Variants in RSPO2 observed in about 807,000 individuals in gnomAD.
The protein encoded by RSPO2 is R-spondin-2.
RSPO2 carries 14 observed loss-of-function variants against 30.9 expected under a neutral mutation model. The ratio of observed to expected loss-of-function variants is 0.45; its 90% CI spans 0.30 to 0.71. The LOEUF (loss-of-function observed/expected upper bound fraction) is 0.71, where lower values mean the gene tolerates loss of function less well. Ranked by LOEUF, RSPO2 falls within the 30% of genes least tolerant of loss-of-function variation. The pLI is 0.08. For synonymous variants in RSPO2, 107 were observed against 96.4 expected, an observed-to-expected ratio of 1.11 and a Z score of -0.64; for missense variants, 264 against 301.9, an observed-to-expected ratio of 0.87 and a Z score of 0.93.
At chr8:107,970,762 G>A (rs1813969423) in intron 3 of RSPO2, among the ~76,000 whole-genome samples, 1 of 152,220 alleles carries the variant, frequency 6.6e-6, no homozygotes, top group Non-Finnish European at 1.5e-5. Flanking sequence ...TTTGAACGAA[G>A]TTGCTGGTTG....
At chr8:108,008,859 C>A (rs1201462378) in intron 2 of RSPO2, among the ~76,000 whole-genome samples, 1 of 149,992 alleles carries the variant, frequency 6.7e-6, no homozygotes, top group Non-Finnish European at 1.5e-5. Flanking sequence ...AGTACATAAA[C>A]TAGAAAAGGT....
At chr8:107,998,654 G>A in intron 2 of RSPO2, among the ~76,000 whole-genome samples, 1 of 152,110 alleles carries the variant, frequency 6.6e-6, no homozygotes, top group Middle Eastern at 3.4e-3. Flanking sequence ...TTAATATTTA[G>A]AAGGGCTATA....
Position 107,924,433 on chromosome 8 carries a change from G to A in RSPO2, c.617-23243C>T, listed in dbSNP as rs753267477. Among the ~76,000 whole-genome samples, 9 of 151,952 alleles carry A rather than the reference G, an allele frequency of 5.9e-5. No individual in the cohort carries two copies. In the South Asian group the frequency reaches 6.2e-4, roughly 11 times the overall value. ...TCAGTATTAAACTCTTTGAAAGTCC[G>A]TGTATTGTCTGGAAAATGGATGCAA... On this transcript the variant is annotated intron_variant, in intron 5 of 5. Coordinates refer to ENST00000276659, the MANE Select transcript of RSPO2 (RefSeq NM_178565.5).
At chr8:107,919,871 G>C (rs1416131909) in intron 5 of RSPO2, among the ~76,000 whole-genome samples, 2 of 152,062 alleles carry the variant, frequency 1.3e-5, no homozygotes, top group Admixed American at 6.6e-5. Flanking sequence ...TATAATAAGA[G>C]TTGCAAAATT....
chr8:108,020,416 C>T (rs910706420), intron 2 of RSPO2, among the ~76,000 whole-genome samples: 30 of 152,122 alleles, frequency 2.0e-4, no homozygotes, highest in African/African-American at 5.3e-4. Context: ...CCTATCACTT[C>T]GGCTGTTTAA....
At chr8:108,065,597 A>T (rs1323628581) in intron 2 of RSPO2, among the ~76,000 whole-genome samples, 3 of 152,058 alleles carry the variant, frequency 2.0e-5, no homozygotes, top group Non-Finnish European at 4.4e-5. Flanking sequence ...AAGTTTTTAA[A>T]TGAATAAAGG....
At chr8:107,967,707 T>G (rs1343830481) in intron 3 of RSPO2, among the ~76,000 whole-genome samples, 2 of 152,192 alleles carry the variant, frequency 1.3e-5, no homozygotes, top group African/African-American at 4.8e-5. Context: ...TTAGTTCAGA[T>G]AGTTGGTATA....
chr8:107,920,711 C>T (rs972710807), intron 5 of RSPO2, among the ~76,000 whole-genome samples: 10 of 152,014 alleles, frequency 6.6e-5, no homozygotes, highest in Non-Finnish European at 1.0e-4. Context: ...AAATTAGATA[C>T]GTTCCCATTA....
intron 2 of RSPO2, among the ~76,000 whole-genome samples, chr8:108,001,123 T>TG (rs1815232695): frequency 6.6e-6 from 1 of 151,676 alleles, no homozygotes; most frequent in Non-Finnish European, 1.5e-5. Context: ...ACCCAGGAGG[T>TG]GGAGCTTGCA....
intron 5 of RSPO2, among the ~76,000 whole-genome samples, chr8:107,953,992 T>C (rs1176303607): frequency 1.3e-5 from 2 of 152,220 alleles, no homozygotes; most frequent in Non-Finnish European, 2.9e-5. Flanking sequence ...ATTGCAGCTA[T>C]TCCTGCTAGA....
At chr8:107,936,056 A>G (rs1182472904) in intron 5 of RSPO2, among the ~76,000 whole-genome samples, 1 of 152,040 alleles carries the variant, frequency 6.6e-6, no homozygotes, top group Non-Finnish European at 1.5e-5. Context: ...TATTCTACCT[A>G]TGTATATTTT....
At chr8:107,931,521 G>T (rs1233390731) in intron 5 of RSPO2, among the ~76,000 whole-genome samples, 1 of 152,048 alleles carries the variant, frequency 6.6e-6, no homozygotes, top group Non-Finnish European at 1.5e-5. Context: ...AAGAATTATT[G>T]TACTAAAAAA....
chr8:107,992,356 A>T (rs1253165987), intron 2 of RSPO2, among the ~76,000 whole-genome samples: 1 of 152,174 alleles, frequency 6.6e-6, no homozygotes, highest in Non-Finnish European at 1.5e-5. Context: ...CTTAATGATG[A>T]GAACACATGG....
chr8:108,025,944 A>T (rs1012924567), intron 2 of RSPO2, among the ~76,000 whole-genome samples: 1 of 152,238 alleles, frequency 6.6e-6, no homozygotes, highest in African/African-American at 2.4e-5. Context: ...CATTGAGTAA[A>T]TATACAATGA....
chr8:108,004,714 T>C (rs1414704817), intron 2 of RSPO2, among the ~76,000 whole-genome samples: 1 of 152,226 alleles, frequency 6.6e-6, no homozygotes, highest in Admixed American at 6.5e-5. Context: ...CATGTAGGTT[T>C]ATACATATGT....
intron 2 of RSPO2, among the ~76,000 whole-genome samples, chr8:108,045,794 A>G (rs950913807): frequency 1.3e-5 from 2 of 152,166 alleles, no homozygotes; most frequent in Non-Finnish European, 1.5e-5. Flanking sequence ...GTTGCAGGGG[A>G]AAACATGTGA....
intron 5 of RSPO2, among the ~76,000 whole-genome samples, chr8:107,905,871 G>T (rs1394906986): frequency 5.3e-5 from 8 of 151,244 alleles, no homozygotes; most frequent in Non-Finnish European, 7.4e-5. Flanking sequence ...AACACCAACT[G>T]GTTTCTAAAA....
chr8:108,067,407 T>G (rs930754268), intron 2 of RSPO2, among the ~76,000 whole-genome samples: 1 of 152,322 alleles, frequency 6.6e-6, no homozygotes, highest in East Asian at 1.9e-4. Flanking sequence ...GGTGAAATGA[T>G]GTAATATCTG....
chr8:108,032,587 C>A (rs1302810630), intron 2 of RSPO2, among the ~76,000 whole-genome samples: 2 of 152,144 alleles, frequency 1.3e-5, no homozygotes, highest in East Asian at 1.9e-4. Context: ...CCCTACCAAC[C>A]TACTGTCTCT....
Sources: gnomAD v4.1 joint callset for allele counts (sites outside exome capture counted in the v4.1 genomes callset) on GRCh38, gnomAD v4.1.1 for gene constraint, MANE v1.5 for transcripts, NCBI Gene and HGNC (gene_info 2026-07-23, HGNC 2026-07-21) for gene names.